The following HDAC9 variants were observed in gnomAD, a reference collection of about 807,000 sequenced individuals.
The protein encoded by HDAC9 is histone deacetylase 9.
HDAC9 carries 41 observed loss-of-function variants against 139.4 expected under a neutral mutation model. That is an observed-to-expected ratio of 0.29 (90% CI 0.23 to 0.38). The LOEUF (loss-of-function observed/expected upper bound fraction) is 0.38, where lower values mean the gene tolerates loss of function less well. HDAC9 is among the 10% of genes least tolerant of loss of function. HDAC9 has a pLI of 1.00. For synonymous variants in HDAC9, 517 were observed against 476.2 expected, an observed-to-expected ratio of 1.09 and a Z score of -1.12; for missense variants, 1,147 against 1,297.0, an observed-to-expected ratio of 0.88 and a Z score of 1.78.
At chr7:18,602,578 A>G (rs532356079) in intron 6 of HDAC9, among the ~76,000 whole-genome samples, 128 of 151,968 alleles carry the variant, frequency 8.4e-4, no homozygotes, top group Admixed American at 1.6e-3. Flanking sequence ...TAATATATAC[A>G]CAATGCTATA....
intron 6 of HDAC9, among the ~76,000 whole-genome samples, chr7:18,615,974 T>G (rs1026604139): frequency 1.3e-5 from 2 of 152,188 alleles, no homozygotes; most frequent in Non-Finnish European, 2.9e-5. Flanking sequence ...TTCTGGGGAC[T>G]CTGGGAATGA....
intron 2 of HDAC9, among the ~76,000 whole-genome samples, chr7:18,260,770 A>G (rs1251543533): frequency 6.6e-6 from 1 of 152,206 alleles, no homozygotes; most frequent in Non-Finnish European, 1.5e-5. Flanking sequence ...GGAGATAATG[A>G]ATGTCCTGGC....
chr7:18,243,743 G>T (rs1157022556), intron 2 of HDAC9, among the ~76,000 whole-genome samples: 1 of 152,184 alleles, frequency 6.6e-6, no homozygotes, highest in African/African-American at 2.4e-5. Context: ...TAACACAGTG[G>T]TATCAATAAA....
At position 19,000,887 on chromosome 7, in the gene HDAC9, C is replaced by T. The variant is rs940493163; in HGVS notation, c.*4825C>T. The T allele has an allele frequency of 3.9e-5, 6 of 152,128 alleles. No individual in the cohort carries two copies. The highest frequency in any genetic ancestry group is 1.4e-4 in the African/African-American group (6 of 41,436). 9.4% of individuals were successfully genotyped at this position (152,128 alleles called of 1,614,324 possible). On this transcript the variant is annotated 3_prime_UTR_variant, in exon 26 of 26. Coordinates refer to ENST00000686413, the MANE Select transcript of HDAC9 (RefSeq NM_178425.4). ...TCCTTAGTAGAAATGACCTTGACAA[C>T]TTATTTTCTGAGATACCACTAGGCC...
intron 21 of HDAC9, among the ~76,000 whole-genome samples, chr7:18,859,265 C>A (rs564556992): frequency 1.1e-4 from 16 of 152,200 alleles, no homozygotes; most frequent in African/African-American, 3.6e-4. Context: ...GTTGTTGTTG[C>A]TAGAAGAAAA....
chr7:18,221,566 A>G (rs1246603865), intron 2 of HDAC9, among the ~76,000 whole-genome samples: 1 of 152,146 alleles, frequency 6.6e-6, no homozygotes, highest in African/African-American at 2.4e-5. Flanking sequence ...TATTTTACAG[A>G]TGTGTACACT....
At chr7:18,879,887 GGA>G (rs1450415238) in intron 22 of HDAC9, among the ~76,000 whole-genome samples, 4 of 152,012 alleles carry the variant, frequency 2.6e-5, no homozygotes, top group African/African-American at 7.2e-5. Flanking sequence ...CTACAGCATG[GGA>G]GTAAATTTTT....
At chr7:18,760,528 C>T (rs1176939662) in intron 14 of HDAC9, among the ~76,000 whole-genome samples, 1 of 152,152 alleles carries the variant, frequency 6.6e-6, no homozygotes, top group African/African-American at 2.4e-5. Flanking sequence ...TCTTACCCAC[C>T]TGGAATAATT....
intron 12 of HDAC9, among the ~76,000 whole-genome samples, chr7:18,698,013 C>T (rs913671790): frequency 6.6e-6 from 1 of 151,860 alleles, no homozygotes; most frequent in African/African-American, 2.4e-5. Context: ...TTAGACTCAC[C>T]AGGAGAAGAC....
At chr7:18,724,600 T>A (rs536047684) in intron 12 of HDAC9, among the ~76,000 whole-genome samples, 36 of 152,286 alleles carry the variant, frequency 2.4e-4, no homozygotes, top group Middle Eastern at 3.4e-3. Flanking sequence ...TAGGCTACAC[T>A]AAATTATTAA....
chr7:18,647,531 A>G (rs1787819551), intron 9 of HDAC9, among the ~76,000 whole-genome samples: 1 of 152,118 alleles, frequency 6.6e-6, no homozygotes, highest in African/African-American at 2.4e-5. Flanking sequence ...ATCACTTCTG[A>G]TTTTAATTAT....
intron 1 of HDAC9, among the ~76,000 whole-genome samples, chr7:18,407,450 T>C (rs569660280): frequency 2.0e-5 from 3 of 152,284 alleles, no homozygotes; most frequent in South Asian, 2.1e-4. Context: ...GTGACACGTT[T>C]AGGCAAACAA....
At chr7:18,904,414 A>G (rs780417431) in intron 22 of HDAC9, among the ~76,000 whole-genome samples, 45 of 152,276 alleles carry the variant, frequency 3.0e-4, no homozygotes, top group Non-Finnish European at 5.7e-4. Context: ...CTCAAATCTC[A>G]TAAAAGTTAA....
intron 12 of HDAC9, among the ~76,000 whole-genome samples, chr7:18,701,083 C>T (rs929427528): frequency 9.2e-5 from 14 of 151,812 alleles, no homozygotes; most frequent in African/African-American, 2.7e-4. Context: ...ATGACTGTTG[C>T]TGCAAAATTT....
At chr7:18,780,473 C>T (rs140500862) in intron 16 of HDAC9, among the ~76,000 whole-genome samples, 1 of 151,906 alleles carries the variant, frequency 6.6e-6, no homozygotes, top group Admixed American at 6.6e-5. Context: ...CAACAGAGAT[C>T]CAGGGCACTG....
At chr7:18,678,341 G>A (rs1781663130) in intron 12 of HDAC9, among the ~76,000 whole-genome samples, 1 of 151,802 alleles carries the variant, frequency 6.6e-6, no homozygotes, top group South Asian at 2.1e-4. Context: ...GGTTCACTGA[G>A]CTTCTTATAT....
At chr7:18,669,717 G>T (rs1354839086) in intron 12 of HDAC9, among the ~76,000 whole-genome samples, 1 of 151,814 alleles carries the variant, frequency 6.6e-6, no homozygotes, top group African/African-American at 2.4e-5. Flanking sequence ...GTGTATATCT[G>T]ATTTCTGAAG....
chr7:18,581,777 A>G lies in HDAC9; in HGVS notation c.23-3504A>G, dbSNP rs552618478. On this transcript the variant is annotated intron_variant, in intron 2 of 25. Coordinates refer to ENST00000686413, the MANE Select transcript of HDAC9 (RefSeq NM_178425.4). ...CTCATGTTACTCCAGAGCCTTGACTAAAAGTTCTACATTGGGTGCTACAAT... is the reference window on the plus strand; with the variant it reads ...CTCATGTTACTCCAGAGCCTTGACTGAAAGTTCTACATTGGGTGCTACAAT... Among the ~76,000 whole-genome samples the G allele has an allele frequency of 7.4e-4, 113 of 152,322 alleles. 1 individual carries two copies. Among genetic ancestry groups the G allele is most frequent in the Non-Finnish European group, 1.4e-3 (98 of 68,008 alleles).
At position 18,793,625 on chromosome 7, in the gene HDAC9, C is replaced by T. The variant is rs985100921; in HGVS notation, c.2322+173C>T. ...TAACTCATCTGTAGGCAGGGAGCAG[C>T]TCATCCTGCTCTCAGGGCCTTCTTC... On this transcript the variant is annotated intron_variant, in intron 17 of 25. Transcript: ENST00000686413. 5.9e-5 allele frequency among the ~76,000 whole-genome samples: 9 copies of T among 152,154 alleles called. No individual in the cohort carries two copies. The South Asian group carries it at 1.7e-3, about 28-fold the overall frequency.
Sources: gnomAD v4.1 joint callset for allele counts (sites outside exome capture counted in the v4.1 genomes callset) on GRCh38, gnomAD v4.1.1 for gene constraint, MANE v1.5 for transcripts, NCBI Gene and HGNC (gene_info 2026-07-23, HGNC 2026-07-21) for gene names.